SMIM8: variants seen among roughly 807,000 people sequenced by gnomAD.
The protein encoded by SMIM8 is small integral membrane protein 8.
SMIM8 carries 8 observed loss-of-function variants against 8.1 expected under a neutral mutation model. The ratio of observed to expected loss-of-function variants is 0.99; its 90% CI spans 0.58 to 1.78. The LOEUF (loss-of-function observed/expected upper bound fraction) is 1.78, where lower values mean the gene tolerates loss of function less well. Among genes scored for constraint, SMIM8 ranks in the 40% most tolerant of loss-of-function variants. The pLI is 0.00. For synonymous variants in SMIM8, 45 were observed against 39.7 expected, an observed-to-expected ratio of 1.13 and a Z score of -0.50; for missense variants, 126 against 119.8, an observed-to-expected ratio of 1.05 and a Z score of -0.24.
chr6:87,336,121 C>T (rs242274), intron 2 of SMIM8, among the ~76,000 whole-genome samples: 95,125 of 152,042 alleles, frequency 0.63, 30,180 homozygotes, highest in African/African-American at 0.7. Context: ...TACTGTACAG[C>T]GATTGCAGCA....
intron 2 of SMIM8, among the ~76,000 whole-genome samples, chr6:87,334,027 C>T (rs1777049361): frequency 6.6e-6 from 1 of 152,166 alleles, no homozygotes; most frequent in Non-Finnish European, 1.5e-5. Flanking sequence ...AGGCATGTCA[C>T]ATGGTGAGAC....
intron 3 of SMIM8, among the ~76,000 whole-genome samples, chr6:87,339,335 TG>T (rs1777172259): frequency 1.6e-5 from 2 of 121,308 alleles, no homozygotes; most frequent in African/African-American, 8.1e-5. Flanking sequence ...CGTGTGTGTG[TG>T]TGTGTGTGTG....
Position 87,340,225 on chromosome 6 carries a change from A to T in SMIM8, c.245A>T (p.Asp82Val). The change falls in exon 4 of 4, where the codon GAT becomes GTT. Residue 82 changes from aspartate (D) to valine (V), a missense_variant. By Grantham distance (152) the Asp-to-Val change is radical. Coordinates refer to ENST00000392863, the MANE Select transcript of SMIM8 (RefSeq NM_001042493.3). ...AAAAAGGACCTCTATGAAGCTATTG[A>T]TAGTGAGGGGCACAGTTATATGAGG... ...ENKKDLYEAIDSEGHSYMRRK... is the reference protein window; with the variant it reads ...ENKKDLYEAIVSEGHSYMRRK... 6.2e-7 allele frequency: 1 copy of T among 1,611,554 alleles called. No individual in the cohort carries two copies. The highest frequency in any genetic ancestry group is 8.5e-7 in the Non-Finnish European group (1 of 1,179,196).
At chr6:87,332,319 C>G (rs968102333) in intron 2 of SMIM8, among the ~76,000 whole-genome samples, 2 of 97,312 alleles carry the variant, frequency 2.1e-5, no homozygotes, top group South Asian at 3.0e-4. Flanking sequence ...TCCTCCCCCC[C>G]CATATATGTA....
In SMIM8 at chr6:87,340,404, ACCAGACAACTGT is replaced by A; in HGVS notation, c.*132_*143del. On this transcript the variant is annotated 3_prime_UTR_variant, in exon 4 of 4. Coordinates refer to ENST00000392863, the MANE Select transcript of SMIM8 (RefSeq NM_001042493.3). ...ATGAAGAGAGAAGATAGCAGTTGCAACCAGACAACTGTCGTAAATTTTGTCCTTTCACAGCTG... is the reference window on the plus strand; with the variant it reads ...ATGAAGAGAGAAGATAGCAGTTGCAACGTAAATTTTGTCCTTTCACAGCTG... The A allele has an allele frequency of 1.1e-6, 1 of 925,432 alleles. No homozygotes were observed. Among genetic ancestry groups the A allele is most frequent in the East Asian group, 3.3e-5 (1 of 30,276 alleles). The allele number at this position is 925,432 out of a possible 1,614,324, so 57.3% of individuals were successfully genotyped here. A position where few individuals can be genotyped will look rare whatever the true frequency, so the allele number is the denominator to read the frequency against.
At chr6:87,337,266 T>C in intron 3 of SMIM8, 100 bp downstream of exon 3, 1 of 1,363,500 alleles carries the variant, frequency 7.3e-7, no homozygotes, top group Non-Finnish European at 9.7e-7. Flanking sequence ...AAATTTTATG[T>C]TGACAAGTAA....
At chr6:87,329,255 AT>A in intron 1 of SMIM8, 1 of 153,220 alleles carries the variant, frequency 6.5e-6, no homozygotes, top group Non-Finnish European at 1.5e-5. Context: ...AGCTGTTCCT[AT>A]TCAGCCATCT....
chr6:87,334,299 T>G (rs1031818034), intron 2 of SMIM8, among the ~76,000 whole-genome samples: 4 of 152,158 alleles, frequency 2.6e-5, no homozygotes, highest in Non-Finnish European at 5.9e-5. Flanking sequence ...CCGAACAAAC[T>G]TTGGGCATAT....
chr6:87,330,694 G>C lies in SMIM8; in HGVS notation c.-42G>C, dbSNP rs981790560. ...TCCATTGCACGCTTCCGTCACAGGA[G>C]GATGGACAGAAGAAAAAGGTAAAGA... On this transcript the variant is annotated splice_region_variant and 5_prime_UTR_variant, in exon 2 of 4. Transcript: ENST00000392863. 2 of 151,890 alleles carry C rather than the reference G, an allele frequency of 1.3e-5. No individual in the cohort carries two copies. Among genetic ancestry groups the C allele is most frequent in the African/African-American group, 4.8e-5 (2 of 41,346 alleles). 9.4% of individuals were successfully genotyped at this position (151,890 alleles called of 1,614,324 possible). A position where few individuals can be genotyped will look rare whatever the true frequency, so the allele number is the denominator to read the frequency against.
chr6:87,334,934 G>A (rs554793451), intron 2 of SMIM8, among the ~76,000 whole-genome samples: 12 of 152,314 alleles, frequency 7.9e-5, no homozygotes, highest in Admixed American at 4.6e-4. Context: ...TCCTACACTT[G>A]GATCATGTAG....
intron 1 of SMIM8, among the ~76,000 whole-genome samples, chr6:87,328,251 T>A: frequency 6.6e-6 from 1 of 152,156 alleles, no homozygotes; most frequent in Non-Finnish European, 1.5e-5. Context: ...TTCTCTCAGC[T>A]CGTCAAAGTC....
At chr6:87,336,130 C>T (rs1039529681) in intron 2 of SMIM8, among the ~76,000 whole-genome samples, 4 of 152,170 alleles carry the variant, frequency 2.6e-5, no homozygotes, top group Admixed American at 6.5e-5. Flanking sequence ...GCGATTGCAG[C>T]ATTTCCCCCA....
At position 87,339,448 on chromosome 6, in the gene SMIM8, G is replaced by T. The variant is rs1316876416; in HGVS notation, c.136-668G>T. 6.6e-5 allele frequency among the ~76,000 whole-genome samples: 10 copies of T among 151,580 alleles called. No homozygotes were observed. The East Asian group carries it at 1.6e-3, about 24-fold the overall frequency. On this transcript the variant is annotated intron_variant, in intron 3 of 3. Transcript: ENST00000392863. Reference sequence around the variant, plus strand: ...TGTGTGTGTGTGTTTGTGTGTGTGTGTGTGTGTGTGTGTGTTTTAACCTGA... The same window carrying T: ...TGTGTGTGTGTGTTTGTGTGTGTGTTTGTGTGTGTGTGTGTTTTAACCTGA...
chr6:87,330,176 G>A (rs1221841069), intron 1 of SMIM8, among the ~76,000 whole-genome samples: 1 of 152,134 alleles, frequency 6.6e-6, no homozygotes, highest in Non-Finnish European at 1.5e-5. Context: ...TAAGTATTAA[G>A]ATAATGTGGC....
Position 87,339,413 on chromosome 6 carries a change from CGT to C in SMIM8, c.136-682_136-681del, listed in dbSNP as rs554628565. 2.2e-3 allele frequency among the ~76,000 whole-genome samples: 195 copies of C among 88,380 alleles called. 2 individuals are homozygous for C. Among genetic ancestry groups the C allele is most frequent in the Middle Eastern group, 5.4e-3 (1 of 184 alleles). The allele number at this position is 88,380 out of a possible 152,430, so 58.0% of individuals were successfully genotyped here. ...ACCTCTTAACAACAACAAAACACAG[CGT>C]GTGTGTGTGTGTGTGTGTGTTTGTG... On this transcript the variant is annotated intron_variant, in intron 3 of 3. Transcript: ENST00000392863.
At chr6:87,323,543 C>T (rs1488462477) in intron 1 of SMIM8, among the ~76,000 whole-genome samples, 2 of 150,886 alleles carry the variant, frequency 1.3e-5, no homozygotes, top group Admixed American at 1.3e-4. Context: ...TTTGTTCTTG[C>T]GATAGTTTAC....
chr6:87,334,282 G>A (rs1054259086), intron 2 of SMIM8, among the ~76,000 whole-genome samples: 3 of 152,152 alleles, frequency 2.0e-5, no homozygotes, highest in Admixed American at 6.5e-5. Context: ...AAGCAAGTGC[G>A]GGCTGCCCGA....
rs536123225 is a variant in SMIM8, at chr6:87,339,141, T to TA, written c.136-970dup. ...CAACATGGTGAAACCCTGTATTTATTAAAAATACAAAAAAATTAGCCAGGC... is the reference window on the plus strand; with the variant it reads ...CAACATGGTGAAACCCTGTATTTATTAAAAAATACAAAAAAATTAGCCAGGC... On this transcript the variant is annotated intron_variant, in intron 3 of 3. Transcript: ENST00000392863. Among the ~76,000 whole-genome samples, 244 of 152,128 alleles carry TA rather than the reference T, an allele frequency of 1.6e-3. 12 individuals are homozygous for TA. In the South Asian group the frequency reaches 0.046, roughly 29 times the overall value.
intron 2 of SMIM8, among the ~76,000 whole-genome samples, chr6:87,336,389 T>C (rs1435119249): frequency 6.6e-6 from 1 of 152,160 alleles, no homozygotes; most frequent in African/African-American, 2.4e-5. Flanking sequence ...AAAAAGGATA[T>C]TCAGATTAAG....
Sources: allele counts gnomAD v4.1 joint callset (sites outside exome capture counted in the v4.1 genomes callset), GRCh38; gene constraint gnomAD v4.1.1; transcripts MANE v1.5; gene names NCBI Gene and HGNC (gene_info 2026-07-23, HGNC 2026-07-21).